COL21A1: variants seen among roughly 807,000 people sequenced by gnomAD.
The protein encoded by COL21A1 is collagen type XXI alpha 1 chain, also known as collagen alpha-1(XXI) chain.
A neutral mutation model predicts 137.9 loss-of-function variants in COL21A1; 149 were observed. That is an observed-to-expected ratio of 1.08 (90% CI 0.95 to 1.24). The LOEUF is 1.24. COL21A1 is among the 50% of genes most tolerant of loss of function. The pLI is 0.00. For missense variants in COL21A1, 1,167 were observed against 1,158.4 expected (o/e 1.01, Z -0.11); for synonymous variants, 456 against 391.5 (o/e 1.16, Z -1.95).
intron 10 of COL21A1, among the ~76,000 whole-genome samples, chr6:56,151,690 T>C (rs528179344): frequency 6.6e-6 from 1 of 152,110 alleles, no homozygotes; most frequent in East Asian, 1.9e-4. Flanking sequence ...TTGAGGGGGG[T>C]TGCACAGAAA....
intron 1 of COL21A1, among the ~76,000 whole-genome samples, chr6:56,259,792 G>A (rs960599312): frequency 2.0e-5 from 3 of 152,178 alleles, no homozygotes; most frequent in Admixed American, 6.5e-5. Context: ...GTCTGCAAAG[G>A]ACATACAATA....
At position 56,262,702 on chromosome 6, in the gene COL21A1, A is replaced by G. The variant is rs368807064; in HGVS notation, c.-38-80046T>C. Among the ~76,000 whole-genome samples, 33 of 152,294 alleles carry G rather than the reference A, an allele frequency of 2.2e-4. 1 individual carries two copies. The South Asian group carries it at 6.8e-3, about 32-fold the overall frequency. On this transcript the variant is annotated intron_variant, in intron 1 of 28. Transcript: ENST00000370819. ...TGGCTGCAGCTTTGTGACAAGCTACAAACTTACAGGAAATCAAGAGATTCA... is the reference window on the plus strand; with the variant it reads ...TGGCTGCAGCTTTGTGACAAGCTACGAACTTACAGGAAATCAAGAGATTCA...
chr6:56,192,029 G>T (rs951111210), intron 1 of COL21A1, among the ~76,000 whole-genome samples: 2 of 151,896 alleles, frequency 1.3e-5, no homozygotes, highest in African/African-American at 2.4e-5. Context: ...CAGAACAGAG[G>T]CCTCAGAAAT....
intron 2 of COL21A1, 86 bp downstream of exon 2, chr6:56,182,445 C>A: frequency 1.2e-6 from 1 of 832,090 alleles, no homozygotes; most frequent in Non-Finnish European, 2.0e-6. Context: ...AGAATGAGAT[C>A]CTTAAAACCA....
chr6:56,101,401 A>C, intron 17 of COL21A1, 71 bp downstream of exon 17: 1 of 1,204,470 alleles, frequency 8.3e-7, no homozygotes, highest in Non-Finnish European at 1.2e-6. Context: ...AGAAGAATTT[A>C]AATAACCAAA....
At chr6:56,094,166 T>C (rs970094308) in intron 17 of COL21A1, among the ~76,000 whole-genome samples, 6 of 152,250 alleles carry the variant, frequency 3.9e-5, no homozygotes, top group African/African-American at 1.2e-4. Context: ...AAAATCATGC[T>C]CTATCTTCAG....
Position 56,057,832 on chromosome 6 carries a change from G to C in COL21A1, c.2699C>G (p.Pro900Arg), listed in dbSNP as rs748535992. The stretch of plus-strand genomic sequence containing the variant: ...AGGACCTTCTTTGCTTATTCCAGGA[G>C]GGCCCTCTGGACCTAAGATGGGACA... ...GPPGPPGPEGPPGISKEGPPG... is the reference protein window; with the variant it reads ...GPPGPPGPEGRPGISKEGPPG... Residue 900 changes from proline to arginine, a missense_variant, in exon 30 of 30, where the codon CCT becomes CGT. Pro to Arg is a moderately radical substitution (Grantham distance 103). Coordinates refer to ENST00000244728, the MANE Select transcript of COL21A1 (RefSeq NM_030820.4). 2 of 1,560,504 alleles carry C rather than the reference G, an allele frequency of 1.3e-6. No individual in the cohort carries two copies. The highest frequency in any genetic ancestry group is 1.2e-5 in the South Asian group (1 of 83,544).
chr6:56,379,306 T>C (rs7739571), intron 1 of COL21A1, among the ~76,000 whole-genome samples: 6,311 of 152,246 alleles, frequency 0.041, 234 homozygotes, highest in African/African-American at 0.098. Context: ...AAAAGCTGTT[T>C]TGAGGAAGGT....
At chr6:56,180,783 A>G (rs1022298199) in intron 2 of COL21A1, among the ~76,000 whole-genome samples, 44 of 152,232 alleles carry the variant, frequency 2.9e-4, no homozygotes, top group Admixed American at 2.0e-3. Flanking sequence ...ATAAATAATA[A>G]CTATTATTGC....
chr6:56,353,250 G>A (rs1413421572), intron 1 of COL21A1, among the ~76,000 whole-genome samples: 1 of 152,144 alleles, frequency 6.6e-6, no homozygotes, highest in African/African-American at 2.4e-5. Flanking sequence ...GATAAGAAGA[G>A]GCCATTCCTA....
In COL21A1 at chr6:56,218,476, G is replaced by A. The variant is rs956346255; in HGVS notation, c.-39+28911C>T. ...TCTATAAGACAACAGCTCCCTCTTAGATGGAAATAGGCTGGTGCAAATGTT... is the reference window on the plus strand; with the variant it reads ...TCTATAAGACAACAGCTCCCTCTTAAATGGAAATAGGCTGGTGCAAATGTT... On this transcript the variant is annotated intron_variant, in intron 1 of 29. Coordinates refer to ENST00000244728, the MANE Select transcript of COL21A1 (RefSeq NM_030820.4). Among the ~76,000 whole-genome samples, 4 of 152,058 alleles carry A rather than the reference G, an allele frequency of 2.6e-5. No homozygotes were observed. The East Asian group carries it at 7.7e-4, about 29-fold the overall frequency.
chr6:56,332,310 T>C (rs928669515), intron 1 of COL21A1, among the ~76,000 whole-genome samples: 3 of 152,048 alleles, frequency 2.0e-5, no homozygotes, highest in African/African-American at 7.2e-5. Context: ...CAACTATGAT[T>C]TCTTTAATCA....
intron 1 of COL21A1, among the ~76,000 whole-genome samples, chr6:56,267,825 A>G (rs9357898): frequency 0.49 from 74,279 of 151,014 alleles, 19,518 homozygotes; most frequent in East Asian, 0.85. Flanking sequence ...TCTTATTTGC[A>G]GGGAGGGGAT....
rs756445035 is a variant in COL21A1 at position 56,059,206 on chromosome 6, C to A, written c.2645G>T (p.Gly882Val). 5 of 1,608,410 alleles carry A rather than the reference C, an allele frequency of 3.1e-6. No individual in the cohort carries two copies. Among genetic ancestry groups the A allele is most frequent in the Non-Finnish European group, 4.2e-6 (5 of 1,178,302 alleles). ...PGRNGEKGSQ[G>V]FGYPGEQGPP... is the part of the protein sequence containing the mutation. ...ACCTTGTTCTCCAGGATACCCAAAC[C>A]CTTGGCTCCCTTTTTCCCCATTTCT... Residue 882 changes from glycine to valine, a missense_variant, in exon 29 of 30, where the codon GGG (glycine) becomes GTG (valine). Physicochemically the swap from Gly to Val is moderately radical, Grantham distance 109. Coordinates refer to ENST00000244728, the MANE Select transcript of COL21A1 (RefSeq NM_030820.4).
intron 3 of COL21A1, among the ~76,000 whole-genome samples, chr6:56,171,624 T>C (rs1240936133): frequency 6.6e-6 from 1 of 152,038 alleles, no homozygotes; most frequent in Non-Finnish European, 1.5e-5. Context: ...TTTTCTGTTC[T>C]TGATTTTCTT....
At chr6:56,177,636 A>T (rs1777585981) in intron 3 of COL21A1, among the ~76,000 whole-genome samples, 2 of 152,022 alleles carry the variant, frequency 1.3e-5, no homozygotes, top group South Asian at 4.1e-4. Flanking sequence ...CTACTAAAAA[A>T]TAGAAAAAAT....
At chr6:56,254,337 C>T (rs1782921936) in intron 1 of COL21A1, among the ~76,000 whole-genome samples, 1 of 152,146 alleles carries the variant, frequency 6.6e-6, no homozygotes, top group South Asian at 2.1e-4. Flanking sequence ...CGTTTATATA[C>T]AGGCATCCTC....
intron 1 of COL21A1, among the ~76,000 whole-genome samples, chr6:56,213,111 A>G (rs1780276836): frequency 1.3e-5 from 2 of 152,180 alleles, no homozygotes; most frequent in Middle Eastern, 3.4e-3. Context: ...ATGATAAATC[A>G]ATTTGCACGT....
At chr6:56,342,821 T>A (rs1314931169) in intron 1 of COL21A1, among the ~76,000 whole-genome samples, 1 of 152,198 alleles carries the variant, frequency 6.6e-6, no homozygotes, top group East Asian at 1.9e-4. Flanking sequence ...TCTTCCATGC[T>A]CATACTTTTG....
Sources: allele counts gnomAD v4.1 joint callset (sites outside exome capture counted in the v4.1 genomes callset), GRCh38; gene constraint gnomAD v4.1.1; transcripts MANE v1.5; gene names NCBI Gene and HGNC (gene_info 2026-07-23, HGNC 2026-07-21).